The following LOC400499 variants were observed in gnomAD, a reference collection of about 807,000 sequenced individuals.
chr16:11,398,842 G>C, the LOC400499 span, among the ~76,000 whole-genome samples: 73 of 152,076 alleles, frequency 4.8e-4, no homozygotes, highest in Middle Eastern at 3.4e-3. Flanking sequence ...TAATTCTTTA[G>C]TAGAGATGGG....
chr16:11,415,685 C>A, the LOC400499 span, among the ~76,000 whole-genome samples: 404 of 152,264 alleles, frequency 2.7e-3, 2 homozygotes, highest in African/African-American at 9.1e-3. Flanking sequence ...GGCAGAGCAT[C>A]CCCAGGAGGT....
chr16:11,384,897 A>C, the LOC400499 span: 1 of 1,232,270 alleles, frequency 8.1e-7, no homozygotes, highest in Non-Finnish European at 1.0e-6. Context: ...CCGTGCTGCC[A>C]GAGGCCCAGA....
At chr16:11,431,672 C>T in the LOC400499 span, among the ~76,000 whole-genome samples, 3 of 152,130 alleles carry the variant, frequency 2.0e-5, no homozygotes, top group Middle Eastern at 3.2e-3. Flanking sequence ...TCCCAAAGTG[C>T]TGGGATTACA....
the LOC400499 span, chr16:11,384,776 C>G: frequency 2.1e-6 from 2 of 968,136 alleles, no homozygotes; most frequent in East Asian, 6.5e-5. Context: ...AGAGACGAGG[C>G]CGGCAGAGGC....
At chr16:11,427,421 C>T in the LOC400499 span, among the ~76,000 whole-genome samples, 2 of 149,478 alleles carry the variant, frequency 1.3e-5, no homozygotes, top group Admixed American at 1.3e-4. Context: ...AAATTAAAGC[C>T]ACAAGGAGAA....
At chr16:11,479,865 C>A in the LOC400499 span, among the ~76,000 whole-genome samples, 41,084 of 152,050 alleles carry the variant, frequency 0.27, 5,863 homozygotes, top group Admixed American at 0.41. Flanking sequence ...AACCCCACTG[C>A]GTCTCGTTGC....
At chr16:11,510,762 A>T in the LOC400499 span, among the ~76,000 whole-genome samples, 2 of 151,576 alleles carry the variant, frequency 1.3e-5, no homozygotes, top group African/African-American at 4.9e-5. Flanking sequence ...CCTGCCAAGA[A>T]TCTGCAAACC....
At chr16:11,500,680 T>TG in the LOC400499 span, 4 of 396,870 alleles carry the variant, frequency 1.0e-5, no homozygotes, top group African/African-American at 6.2e-5. Flanking sequence ...ATGGGTGGTC[T>TG]GGCCTCCTCT....
chr16:11,412,143 G>C, the LOC400499 span, among the ~76,000 whole-genome samples: 6 of 152,132 alleles, frequency 3.9e-5, no homozygotes, highest in Admixed American at 1.3e-4. Context: ...GGGATTACAG[G>C]TGTGAGCCGC....
At chr16:11,391,827 C>T in the LOC400499 span, 8 of 1,232,176 alleles carry the variant, frequency 6.5e-6, no homozygotes, top group Non-Finnish European at 8.1e-6. Context: ...CAGAAGGAGG[C>T]CTGCCACGCC....
the LOC400499 span, among the ~76,000 whole-genome samples, chr16:11,374,769 C>T: frequency 6.6e-6 from 1 of 152,156 alleles, no homozygotes; most frequent in Admixed American, 6.6e-5. Context: ...AATAATGCTG[C>T]TATGAACATC....
At chr16:11,387,050 T>G in the LOC400499 span, 3 of 1,206,008 alleles carry the variant, frequency 2.5e-6, no homozygotes, top group Middle Eastern at 3.2e-4. Context: ...GAGGCTTCCC[T>G]GTGCCCAGGA....
chr16:11,509,269 C>T, the LOC400499 span, among the ~76,000 whole-genome samples: 4 of 151,696 alleles, frequency 2.6e-5, no homozygotes, highest in Non-Finnish European at 1.5e-5. Context: ...AGGCGCCTGC[C>T]ACCACGCCCG....
chr16:11,381,658 T>C, the LOC400499 span, among the ~76,000 whole-genome samples: 1 of 152,214 alleles, frequency 6.6e-6, no homozygotes, highest in Non-Finnish European at 1.5e-5. Flanking sequence ...AAGATATCTC[T>C]AGACAGATCA....
At chr16:11,509,109 T>A in the LOC400499 span, among the ~76,000 whole-genome samples, 1 of 140,262 alleles carries the variant, frequency 7.1e-6, no homozygotes, top group Non-Finnish European at 1.5e-5. Flanking sequence ...ACACTGAGTA[T>A]CCTTTTTTTT....
the LOC400499 span, chr16:11,448,846 C>T: frequency 8.0e-7 from 1 of 1,249,470 alleles, no homozygotes; most frequent in South Asian, 2.2e-5. Flanking sequence ...CCATCCGAAG[C>T]AGGGAGAGAG....
the LOC400499 span, chr16:11,443,609 G>A: frequency 3.5e-6 from 1 of 284,528 alleles, no homozygotes; most frequent in Admixed American, 4.9e-5. Context: ...GTGTCAGGAA[G>A]AAGACCCGGA....
the LOC400499 span, among the ~76,000 whole-genome samples, chr16:11,373,930 C>T: frequency 2.6e-5 from 4 of 152,126 alleles, no homozygotes; most frequent in Non-Finnish European, 5.9e-5. Flanking sequence ...GGGAAGCACC[C>T]TTCTAGCCCT....
the LOC400499 span, among the ~76,000 whole-genome samples, chr16:11,487,745 CTTT>C: frequency 9.6e-6 from 1 of 103,998 alleles, no homozygotes; most frequent in African/African-American, 3.7e-5. Flanking sequence ...GGGCTAATCT[CTTT>C]TCTTAACACA....
Sources: allele counts gnomAD v4.1 joint callset (sites outside exome capture counted in the v4.1 genomes callset), GRCh38; gene constraint gnomAD v4.1.1; transcripts MANE v1.5.